The following TENT4B variants were observed in gnomAD, a reference collection of about 807,000 sequenced individuals.
The protein encoded by TENT4B is PAP associated domain containing 5.
A neutral mutation model predicts 75.0 loss-of-function variants in TENT4B; 10 were observed. The observed-to-expected ratio is 0.13, with a 90% confidence interval of 0.08 to 0.23. TENT4B has a LOEUF of 0.23. Ranked by LOEUF, TENT4B falls within the 10% of genes least tolerant of loss-of-function variation. TENT4B has a pLI of 1.00. For synonymous variants in TENT4B, 350 were observed against 357.7 expected (o/e 0.98, Z 0.24); for missense variants, 579 against 893.8 (o/e 0.65, Z 4.49).
chr16:50,198,814 A>G lies in TENT4B; in HGVS notation c.639-12509A>G, dbSNP rs565117039. On this transcript the variant is annotated intron_variant, in intron 1 of 11. Coordinates refer to ENST00000561678, the MANE Select transcript of TENT4B (RefSeq NM_001365324.3). ...TACATGAATTTTAAAGGGTAATCTG[A>G]GCCCTCGAATAGACAGAAATAGCCA... is the stretch of plus-strand genomic sequence containing the variant. Among the ~76,000 whole-genome samples the G allele has an allele frequency of 4.6e-5, 7 of 152,364 alleles. No individual in the cohort carries two copies. The East Asian group carries it at 1.3e-3, about 29-fold the overall frequency.
At chr16:50,174,739 A>G (rs1450957502) in intron 1 of TENT4B, among the ~76,000 whole-genome samples, 1 of 99,468 alleles carries the variant, frequency 1.0e-5, no homozygotes, top group Non-Finnish European at 2.0e-5. Flanking sequence ...CGTCTCCCCT[A>G]CTCTTTTTTT....
intron 1 of TENT4B, among the ~76,000 whole-genome samples, chr16:50,208,804 C>T (rs2031122536): frequency 6.6e-6 from 1 of 152,106 alleles, no homozygotes. Flanking sequence ...ACGGTGTCAG[C>T]TCACTGCAGC....
rs543108322 is a variant in TENT4B at position 50,154,175 on chromosome 16, C to T, written c.554C>T (p.Ala185Val). 442 of 1,509,814 alleles carry T rather than the reference C, an allele frequency of 2.9e-4. 2 individuals carry two copies. The East Asian group carries it at 0.01, about 36-fold the overall frequency. 93.5% of individuals were successfully genotyped at this position (1,509,814 alleles called of 1,614,324 possible). A position where few individuals can be genotyped will look rare whatever the true frequency, so the allele number is the denominator to read the frequency against. ...CTGCAGCCCAGCGGAGGGCGGGCCG[C>T]GGGGGGCGGCCGAGCAGACGGCGGC... Reference protein sequence around the residue: ...SLLQPSGGRAAGGGRADGGGV... With the variant: ...SLLQPSGGRAVGGGRADGGGV... Residue 185 changes from alanine (A) to valine (V), a missense_variant, in exon 1 of 12, where the codon GCG becomes GTG. Ala to Val is a moderately conservative substitution (Grantham distance 64). Transcript: ENST00000561678.
At chr16:50,201,590 C>A (rs934171012) in intron 1 of TENT4B, among the ~76,000 whole-genome samples, 1 of 151,994 alleles carries the variant, frequency 6.6e-6, no homozygotes. Context: ...CACCTATAAT[C>A]CCAGCACTTT....
intron 1 of TENT4B, among the ~76,000 whole-genome samples, chr16:50,208,270 A>G (rs1010699491): frequency 3.9e-5 from 6 of 152,210 alleles, no homozygotes; most frequent in Admixed American, 2.6e-4. Context: ...GCCATGGGCT[A>G]TTGATTGTTG....
At chr16:50,153,055 T>C (rs1460252582), upstream of TENT4B, 5 of 1,483,104 alleles carry the variant, frequency 3.4e-6, no homozygotes, top group African/African-American at 1.5e-5. Flanking sequence ...ACTCCACAGA[T>C]GGCGCAAGTA....
At position 50,216,215 on chromosome 16, in the gene TENT4B, A is replaced by G. The variant is rs181908877; in HGVS notation, c.930+20A>G. On this transcript the variant is annotated intron_variant, in intron 4 of 11. Coordinates refer to ENST00000561678, the MANE Select transcript of TENT4B (RefSeq NM_001365324.3). ...GCAACTGTAAGTTCTGCAGCATTTC[A>G]TATTAAAATCCTTAGTTATTTACCT... is the stretch of plus-strand genomic sequence containing the variant. 269 of 1,613,572 alleles carry G rather than the reference A, an allele frequency of 1.7e-4. 2 individuals are homozygous for G. In the African/African-American group the frequency reaches 2.4e-3, roughly 14 times the overall value.
At chr16:50,173,111 T>C (rs577344326) in intron 1 of TENT4B, among the ~76,000 whole-genome samples, 13 of 152,206 alleles carry the variant, frequency 8.5e-5, no homozygotes, top group African/African-American at 2.9e-4. Context: ...GCCTGGCTAA[T>C]GTTTGTATTT....
In TENT4B at chr16:50,156,332, T is replaced by A. The variant is rs188331222; in HGVS notation, c.638+2073T>A. 1.7e-4 allele frequency among the ~76,000 whole-genome samples: 24 copies of A among 141,128 alleles called. No individual in the cohort carries two copies. In the East Asian group the frequency reaches 4.5e-3, roughly 26 times the overall value. The allele number at this position is 141,128 out of a possible 152,430, so 92.6% of individuals were successfully genotyped here. ...GGGTGCTTAGAAATTCTTGCTTTGATTCATGTATTCTGATTTTTTTTTTTT... is the reference window on the plus strand; with the variant it reads ...GGGTGCTTAGAAATTCTTGCTTTGAATCATGTATTCTGATTTTTTTTTTTT... On this transcript the variant is annotated intron_variant, in intron 1 of 11. Transcript: ENST00000561678.
At chr16:50,178,145 T>TTC (rs2038344958) in intron 1 of TENT4B, among the ~76,000 whole-genome samples, 1 of 149,300 alleles carries the variant, frequency 6.7e-6, no homozygotes, top group Admixed American at 6.7e-5. Context: ...TGGTCTACTT[T>TTC]TTTTTTTTTT....
chr16:50,154,322 C>T, intron 1 of TENT4B, 63 bp downstream of exon 1: 1 of 1,382,042 alleles, frequency 7.2e-7, no homozygotes. Flanking sequence ...GGCACACGCC[C>T]ACAGAGGGGG....
Position 50,225,261 on chromosome 16 carries a change from C to T in TENT4B, c.1776C>T (p.Ala592=). 1 of 1,613,790 alleles carries T rather than the reference C, an allele frequency of 6.2e-7. No individual in the cohort carries two copies. Among genetic ancestry groups the T allele is most frequent in the East Asian group, 2.2e-5 (1 of 44,880 alleles). Residue 592 remains alanine (A), a synonymous_variant, in exon 10 of 12, where the codon GCC becomes GCT. Coordinates refer to ENST00000561678, the MANE Select transcript of TENT4B (RefSeq NM_001365324.3). The part of the protein sequence containing the change: ...SSSGPVSSSS[A]TQSSSSDVDS... The stretch of plus-strand genomic sequence containing the variant: ...CAGGTCCAGTGTCGTCCTCTTCTGC[C>T]ACACAGTCCAGCTCTAGTGATGTAG...
rs181065239 is a variant in TENT4B at position 50,189,655 on chromosome 16, G to A, written c.639-21668G>A. On this transcript the variant is annotated intron_variant, in intron 1 of 11. Coordinates refer to ENST00000561678, the MANE Select transcript of TENT4B (RefSeq NM_001365324.3). ...TCTTCTGTGCATAACATGAAGTAGTGCCCTAATGCAATTCCAGGATGTAAT... is the reference window on the plus strand; with the variant it reads ...TCTTCTGTGCATAACATGAAGTAGTACCCTAATGCAATTCCAGGATGTAAT... 6.4e-4 allele frequency among the ~76,000 whole-genome samples: 97 copies of A among 152,152 alleles called. 2 individuals are homozygous for A. In the East Asian group the frequency reaches 0.017, roughly 26 times the overall value.
chr16:50,156,067 T>C (rs1460247112), intron 1 of TENT4B, among the ~76,000 whole-genome samples: 1 of 152,184 alleles, frequency 6.6e-6, no homozygotes, highest in African/African-American at 2.4e-5. Flanking sequence ...GATTCAAATA[T>C]ATTGCCCTCA....
intron 1 of TENT4B, among the ~76,000 whole-genome samples, chr16:50,205,677 G>A (rs1292242876): frequency 7.8e-6 from 1 of 128,756 alleles, no homozygotes; most frequent in East Asian, 2.7e-4. Flanking sequence ...TGTGATCTCT[G>A]CCTCCTGGGT....
intron 1 of TENT4B, among the ~76,000 whole-genome samples, chr16:50,195,171 T>C (rs1023656658): frequency 2.0e-5 from 3 of 152,214 alleles, no homozygotes; most frequent in Non-Finnish European, 4.4e-5. Context: ...AAATTCTGCC[T>C]AGTTTGATTC....
chr16:50,226,021 A>G (rs1281530638), intron 10 of TENT4B, among the ~76,000 whole-genome samples: 1 of 149,006 alleles, frequency 6.7e-6, no homozygotes, highest in Non-Finnish European at 1.5e-5. Context: ...TTTTTTTGAG[A>G]CGGAGTCTTG....
chr16:50,189,370 C>T (rs1449755241), intron 1 of TENT4B, among the ~76,000 whole-genome samples: 1 of 152,116 alleles, frequency 6.6e-6, no homozygotes, highest in African/African-American at 2.4e-5. Flanking sequence ...TGCGTTATGG[C>T]AAGATAAAAC....
At chr16:50,211,284 T>G in intron 1 of TENT4B, 39 bp from the exon 2 acceptor site, 1 of 1,555,778 alleles carries the variant, frequency 6.4e-7, no homozygotes, top group African/African-American at 1.4e-5. Context: ...CTCATTAGAT[T>G]GGCCCTGTTC....
Sources: allele counts gnomAD v4.1 joint callset (sites outside exome capture counted in the v4.1 genomes callset), GRCh38; gene constraint gnomAD v4.1.1; transcripts MANE v1.5; gene names NCBI Gene and HGNC (gene_info 2026-07-23, HGNC 2026-07-21).